PRKG2: variants seen among roughly 807,000 people sequenced by gnomAD.
PRKG2 encodes cGMP-dependent protein kinase 2.
PRKG2 carries 33 observed loss-of-function variants against 97.2 expected under a neutral mutation model. The ratio of observed to expected loss-of-function variants is 0.34; its 90% CI spans 0.26 to 0.45. The LOEUF is 0.45. Among genes scored for constraint, PRKG2 ranks in the 20% least tolerant of loss-of-function variants. The pLI is 1.00. For missense variants in PRKG2, 638 were observed against 900.0 expected (o/e 0.71, Z 3.73); for synonymous variants, 330 against 321.8 (o/e 1.03, Z -0.27).
In PRKG2 at chr4:81,089,658, C is replaced by G. The variant is rs1243051063; in HGVS notation, c.*50G>C. On this transcript the variant is annotated 3_prime_UTR_variant, in exon 19 of 19. Coordinates refer to ENST00000264399, the MANE Select transcript of PRKG2 (RefSeq NM_006259.3). The stretch of plus-strand genomic sequence containing the variant: ...GAAAATAATGTGTTGGATTATTGAT[C>G]CTTGAGGTCCTCTTCTGTAGAGTAC... 1 of 1,315,892 alleles carries G rather than the reference C, an allele frequency of 7.6e-7. No homozygotes were observed. The highest frequency in any genetic ancestry group is 1.1e-6 in the Non-Finnish European group (1 of 923,344). 81.5% of individuals were successfully genotyped at this position (1,315,892 alleles called of 1,614,324 possible).
At chr4:81,156,167 G>C (rs1173883752) in intron 6 of PRKG2, among the ~76,000 whole-genome samples, 1 of 152,168 alleles carries the variant, frequency 6.6e-6, no homozygotes, top group African/African-American at 2.4e-5. Flanking sequence ...CCATTAGTGT[G>C]CTGTATTCAG....
chr4:81,127,673 T>C (rs1402109770), intron 14 of PRKG2, among the ~76,000 whole-genome samples: 3 of 152,200 alleles, frequency 2.0e-5, no homozygotes, highest in African/African-American at 7.2e-5. Context: ...TTTTGACACA[T>C]AGATTTTGTA....
At chr4:81,106,503 C>T (rs80007708) in intron 15 of PRKG2, among the ~76,000 whole-genome samples, 1 of 152,084 alleles carries the variant, frequency 6.6e-6, no homozygotes, top group Admixed American at 6.5e-5. Context: ...ACATTCTGAG[C>T]AGGATGATCT....
At chr4:81,158,629 C>T (rs998014320) in intron 6 of PRKG2, among the ~76,000 whole-genome samples, 9 of 151,916 alleles carry the variant, frequency 5.9e-5, no homozygotes, top group South Asian at 2.1e-4. Flanking sequence ...AAAAAGAGCC[C>T]GCATCACCAA....
intron 6 of PRKG2, among the ~76,000 whole-genome samples, chr4:81,165,520 G>C (rs536778830): frequency 3.3e-5 from 5 of 152,272 alleles, no homozygotes; most frequent in Non-Finnish European, 4.4e-5. Context: ...TCCAAGCTAT[G>C]CTGGTAAATC....
At chr4:81,214,154 A>T (rs1257103197) in intron 1 of PRKG2, among the ~76,000 whole-genome samples, 2 of 42,442 alleles carry the variant, frequency 4.7e-5, no homozygotes, top group Non-Finnish European at 7.8e-5. Context: ...TCTCTTCCTT[A>T]AAAAAAAAAA....
chr4:81,098,815 A>G (rs1383507289), intron 17 of PRKG2, among the ~76,000 whole-genome samples: 2 of 152,248 alleles, frequency 1.3e-5, no homozygotes, highest in African/African-American at 4.8e-5. Flanking sequence ...TATAATAGAT[A>G]TAAAAATAAT....
At chr4:81,122,667 C>A (rs951470635) in intron 14 of PRKG2, among the ~76,000 whole-genome samples, 22 of 152,150 alleles carry the variant, frequency 1.4e-4, no homozygotes, top group Admixed American at 1.3e-4. Context: ...AACAGACCAG[C>A]AAACTTTCCC....
At chr4:81,159,486 T>C (rs1217580631) in intron 6 of PRKG2, among the ~76,000 whole-genome samples, 4 of 151,950 alleles carry the variant, frequency 2.6e-5, no homozygotes, top group Admixed American at 6.5e-5. Flanking sequence ...TGTGGAGAAA[T>C]AGGAACACTT....
intron 7 of PRKG2, among the ~76,000 whole-genome samples, chr4:81,153,061 T>A (rs545990208): frequency 2.0e-5 from 3 of 152,292 alleles, no homozygotes; most frequent in African/African-American, 7.2e-5. Flanking sequence ...TACTGTTGAG[T>A]CAACATTGGA....
Position 81,129,420 on chromosome 4 carries a change from G to T in PRKG2, c.1776+5735C>A, listed in dbSNP as rs571388191. On this transcript the variant is annotated intron_variant, in intron 14 of 18. Transcript: ENST00000264399. ...TTTTCTGTCCATTGATCTGTCTAAT[G>T]TTGACAGTGGAGTGTTAATGTCTCC... is the stretch of plus-strand genomic sequence containing the variant. Among the ~76,000 whole-genome samples, 5 of 152,164 alleles carry T rather than the reference G, an allele frequency of 3.3e-5. No homozygotes were observed. In the East Asian group the frequency reaches 9.6e-4, roughly 29 times the overall value.
In PRKG2 at chr4:81,144,336, T is replaced by A. The variant is rs1263317496; in HGVS notation, c.1155-6A>T. On this transcript the variant is annotated splice_polypyrimidine_tract_variant and splice_region_variant and intron_variant, in intron 9 of 18. Transcript: ENST00000264399. ...CGACAGTTTGGTTGAATGTTCTAAA[T>A]AGATAGAATAAAGTAAAATGCTCCG... 1.3e-6 allele frequency: 2 copies of A among 1,594,806 alleles called. No homozygotes were observed. Among genetic ancestry groups the A allele is most frequent in the Non-Finnish European group, 1.7e-6 (2 of 1,163,046 alleles).
At chr4:81,170,545 C>T (rs1260173837) in intron 4 of PRKG2, among the ~76,000 whole-genome samples, 2 of 152,082 alleles carry the variant, frequency 1.3e-5, no homozygotes, top group East Asian at 3.9e-4. Context: ...GATCCCTGGG[C>T]TCCATTGCCA....
chr4:81,125,247 C>A (rs1437598921), intron 14 of PRKG2, among the ~76,000 whole-genome samples: 1 of 152,140 alleles, frequency 6.6e-6, no homozygotes, highest in African/African-American at 2.4e-5. Flanking sequence ...GTAGCTGCAA[C>A]CACTATACTG....
intron 14 of PRKG2, among the ~76,000 whole-genome samples, chr4:81,119,403 A>G (rs185705877): frequency 6.6e-6 from 1 of 152,308 alleles, no homozygotes; most frequent in Admixed American, 6.5e-5. Flanking sequence ...CTTATTTGTC[A>G]AACATCAATT....
At chr4:81,125,376 C>T (rs1745453288) in intron 14 of PRKG2, among the ~76,000 whole-genome samples, 1 of 152,134 alleles carries the variant, frequency 6.6e-6, no homozygotes, top group South Asian at 2.1e-4. Flanking sequence ...AACTTTGATA[C>T]AAGGAATCAT....
intron 2 of PRKG2, among the ~76,000 whole-genome samples, chr4:81,194,643 T>C (rs375216207): frequency 6.6e-6 from 1 of 152,224 alleles, no homozygotes. Context: ...TTTATTCCCA[T>C]GAGCATCAAA....
rs146814271 is a variant in PRKG2 at position 81,147,585 on chromosome 4, C to T, written c.1154+1299G>A. ...CTAAAAATTAAAATAAAACCTTGAC[C>T]ACTTTACTGCATAGTGATTGCTCCT... On this transcript the variant is annotated intron_variant, in intron 9 of 18. Transcript: ENST00000264399. Among the ~76,000 whole-genome samples the T allele has an allele frequency of 5.9e-3, 902 of 152,116 alleles. 2 individuals carry two copies. The highest frequency in any genetic ancestry group is 8.9e-3 in the Non-Finnish European group (607 of 67,976).
At chr4:81,138,947 G>A (rs1454950493) in intron 12 of PRKG2, among the ~76,000 whole-genome samples, 2 of 152,184 alleles carry the variant, frequency 1.3e-5, no homozygotes, top group Non-Finnish European at 2.9e-5. Flanking sequence ...TGGAAAGATG[G>A]ATAGGGAGAA....
Sources: gnomAD v4.1 joint callset for allele counts (sites outside exome capture counted in the v4.1 genomes callset) on GRCh38, gnomAD v4.1.1 for gene constraint, MANE v1.5 for transcripts, NCBI Gene and HGNC (gene_info 2026-07-23, HGNC 2026-07-21) for gene names.